LRRC4C: variants seen among roughly 807,000 people sequenced by gnomAD.
LRRC4C encodes the protein leucine rich repeat containing 4C.
A neutral mutation model predicts 33.6 loss-of-function variants in LRRC4C; 5 were observed. The observed-to-expected ratio is 0.15, with a 90% CI of 0.08 to 0.31. The LOEUF (loss-of-function observed/expected upper bound fraction) is 0.31, where lower values mean the gene tolerates loss of function less well. LRRC4C is among the 10% of genes least tolerant of loss of function. The pLI, the probability that LRRC4C is intolerant of heterozygous loss-of-function variation, is 1.00. For missense variants in LRRC4C, 560 were observed against 796.7 expected (o/e 0.70, Z 3.58); for synonymous variants, 329 against 302.0 (o/e 1.09, Z -0.93).
chr11:40,552,386 T>A (rs901231209), intron 3 of LRRC4C, among the ~76,000 whole-genome samples: 7 of 152,118 alleles, frequency 4.6e-5, no homozygotes, highest in East Asian at 3.9e-4. Flanking sequence ...GTCCAAGTTG[T>A]CTCCTCAACA....
chr11:41,249,391 C>A (rs1222092046), intron 1 of LRRC4C, among the ~76,000 whole-genome samples: 1 of 152,170 alleles, frequency 6.6e-6, no homozygotes. Context: ...ATTCTCCTTA[C>A]TTTTACCTAG....
chr11:41,078,048 A>G (rs770245285), intron 1 of LRRC4C, among the ~76,000 whole-genome samples: 17 of 152,196 alleles, frequency 1.1e-4, no homozygotes, highest in Non-Finnish European at 2.1e-4. Context: ...AAGCATAGCA[A>G]GTGTGACCTA....
intron 3 of LRRC4C, among the ~76,000 whole-genome samples, chr11:40,633,513 CT>C (rs1389891913): frequency 4.6e-5 from 7 of 151,640 alleles, no homozygotes; most frequent in South Asian, 2.1e-4. Context: ...CTCAGCCCCC[CT>C]AGTAGCTGGG....
chr11:41,108,350 G>T (rs1031522899), intron 1 of LRRC4C, among the ~76,000 whole-genome samples: 20 of 151,964 alleles, frequency 1.3e-4, no homozygotes, highest in African/African-American at 3.9e-4. Flanking sequence ...GCCTTACCAC[G>T]ATTTGTGCTT....
intron 1 of LRRC4C, among the ~76,000 whole-genome samples, chr11:41,110,984 A>G (rs572798754): frequency 2.0e-5 from 3 of 151,486 alleles, no homozygotes; most frequent in South Asian, 2.1e-4. Flanking sequence ...AAGAATTTGC[A>G]TTTCTAGGAA....
intron 1 of LRRC4C, among the ~76,000 whole-genome samples, chr11:41,102,825 G>A (rs1941272679): frequency 6.6e-6 from 1 of 151,932 alleles, no homozygotes; most frequent in Non-Finnish European, 1.5e-5. Flanking sequence ...TAAGGCATAG[G>A]AACAAAGAAT....
intron 1 of LRRC4C, among the ~76,000 whole-genome samples, chr11:41,101,094 G>A (rs1474947779): frequency 1.3e-5 from 2 of 152,064 alleles, no homozygotes; most frequent in Non-Finnish European, 2.9e-5. Flanking sequence ...AGAGGAACTG[G>A]CAAAGATTTC....
At chr11:41,457,206 T>C (rs1956197045) in intron 1 of LRRC4C, among the ~76,000 whole-genome samples, 2 of 152,130 alleles carry the variant, frequency 1.3e-5, no homozygotes, top group African/African-American at 4.8e-5. Flanking sequence ...AGAATATGAA[T>C]GGGAAAACAG....
intron 2 of LRRC4C, among the ~76,000 whole-genome samples, chr11:40,833,826 T>C (rs1952532286): frequency 6.6e-6 from 1 of 152,128 alleles, no homozygotes; most frequent in Non-Finnish European, 1.5e-5. Flanking sequence ...AATGTGTGTG[T>C]GACTAATATT....
intron 1 of LRRC4C, among the ~76,000 whole-genome samples, chr11:40,998,833 T>C (rs1854162158): frequency 6.6e-6 from 1 of 152,168 alleles, no homozygotes; most frequent in African/African-American, 2.4e-5. Flanking sequence ...GAGATTTTTA[T>C]ACTTCTTTTG....
intron 1 of LRRC4C, among the ~76,000 whole-genome samples, chr11:41,287,848 G>A (rs948557379): frequency 6.6e-6 from 1 of 152,138 alleles, no homozygotes; most frequent in African/African-American, 2.4e-5. Context: ...TGGACTGCAT[G>A]TATTATTTAT....
At chr11:40,158,258 T>G (rs1331221326) in intron 5 of LRRC4C, among the ~76,000 whole-genome samples, 1 of 151,862 alleles carries the variant, frequency 6.6e-6, no homozygotes, top group Non-Finnish European at 1.5e-5. Context: ...TTTGGGGACT[T>G]GGGGGGAAGA....
intron 1 of LRRC4C, among the ~76,000 whole-genome samples, chr11:41,325,458 G>C (rs1951079835): frequency 6.6e-6 from 1 of 151,624 alleles, no homozygotes; most frequent in Admixed American, 6.6e-5. Context: ...CTACTGTTAT[G>C]TTTTAGGCAT....
intron 3 of LRRC4C, among the ~76,000 whole-genome samples, chr11:40,402,936 A>G (rs1949816414): frequency 6.6e-6 from 1 of 152,104 alleles, no homozygotes; most frequent in African/African-American, 2.4e-5. Flanking sequence ...CAGTGTACTT[A>G]TAATGTTGTT....
intron 3 of LRRC4C, among the ~76,000 whole-genome samples, chr11:40,417,825 G>A (rs1252432792): frequency 6.6e-6 from 1 of 152,194 alleles, no homozygotes; most frequent in Non-Finnish European, 1.5e-5. Context: ...AAGACTCTGA[G>A]GGAGTGAAGT....
rs906872823 is a variant in LRRC4C, at chr11:41,354,245, C to T, written c.-496+105186G>A. Among the ~76,000 whole-genome samples, 4 of 151,946 alleles carry T rather than the reference C, an allele frequency of 2.6e-5. No individual in the cohort carries two copies. In the South Asian group the frequency reaches 8.3e-4, roughly 32 times the overall value. ...ACACCAATAACATCCAAGCTAAGAGCGAAATCAAGAACACAATCACATTCA... is the reference window on the plus strand; with the variant it reads ...ACACCAATAACATCCAAGCTAAGAGTGAAATCAAGAACACAATCACATTCA... On this transcript the variant is annotated intron_variant, in intron 1 of 6. Coordinates refer to ENST00000528697, the MANE Select transcript of LRRC4C (RefSeq NM_001258419.2).
At chr11:41,045,722 A>G (rs1857732357) in intron 1 of LRRC4C, among the ~76,000 whole-genome samples, 1 of 152,100 alleles carries the variant, frequency 6.6e-6, no homozygotes, top group Non-Finnish European at 1.5e-5. Flanking sequence ...CCCAGCTATT[A>G]TTATTGTAGG....
At chr11:40,610,534 GA>G (rs1285342633) in intron 3 of LRRC4C, among the ~76,000 whole-genome samples, 1 of 150,198 alleles carries the variant, frequency 6.7e-6, no homozygotes, top group Non-Finnish European at 1.5e-5. Context: ...GAGTAATTAG[GA>G]AAGAAAAAGT....
intron 3 of LRRC4C, among the ~76,000 whole-genome samples, chr11:40,375,789 T>C (rs1948636094): frequency 2.0e-5 from 3 of 151,946 alleles, no homozygotes; most frequent in African/African-American, 4.8e-5. Context: ...CGCTTGGGAG[T>C]AGACAGACAG....
Sources: gnomAD v4.1 joint callset for allele counts (sites outside exome capture counted in the v4.1 genomes callset) on GRCh38, gnomAD v4.1.1 for gene constraint, MANE v1.5 for transcripts, NCBI Gene and HGNC (gene_info 2026-07-23, HGNC 2026-07-21) for gene names.